The following CCDC6 variants were observed in gnomAD, a reference collection of about 807,000 sequenced individuals.
CCDC6 encodes coiled-coil domain containing 6.
In CCDC6, 20 loss-of-function variants were observed where a neutral mutation model predicts 56.6. That is an observed-to-expected ratio of 0.35 (90% CI 0.25 to 0.51). The LOEUF (loss-of-function observed/expected upper bound fraction) is 0.51, where lower values mean the gene tolerates loss of function less well. Among genes scored for constraint, CCDC6 ranks in the 20% least tolerant of loss-of-function variants. The probability of loss-of-function intolerance (pLI) is 0.95; values close to 1 mark genes in which losing one functional copy is unlikely to be tolerated. For missense variants in CCDC6, 367 were observed against 601.1 expected (o/e 0.61, Z 4.07); for synonymous variants, 241 against 234.4 (o/e 1.03, Z -0.26).
chr10:59,854,360 A>G (rs1307877426), intron 1 of CCDC6, among the ~76,000 whole-genome samples: 1 of 152,162 alleles, frequency 6.6e-6, no homozygotes. Flanking sequence ...TTGCTGAGCA[A>G]TTCTACAAAG....
chr10:59,906,487 C>T lies in CCDC6; in HGVS notation c.-63G>A. ...GGAGGCGGCGGCGACGAAGGCCGGG[C>T]TGCGAATGAGTGGGCGCCGGGCGAG... is the stretch of plus-strand genomic sequence containing the variant. On this transcript the variant is annotated 5_prime_UTR_variant, in exon 1 of 9. Coordinates refer to ENST00000263102, the MANE Select transcript of CCDC6 (RefSeq NM_005436.5). 2 of 1,373,260 alleles carry T rather than the reference C, an allele frequency of 1.5e-6. No homozygotes were observed. The highest frequency in any genetic ancestry group is 1.9e-6 in the Non-Finnish European group (2 of 1,057,068). 85.1% of individuals were successfully genotyped at this position (1,373,260 alleles called of 1,614,324 possible).
intron 1 of CCDC6, among the ~76,000 whole-genome samples, chr10:59,879,891 C>T (rs1276085220): frequency 6.6e-6 from 1 of 152,252 alleles, no homozygotes; most frequent in Middle Eastern, 3.4e-3. Flanking sequence ...GCCTAGAGGT[C>T]TTTGAGGGCA....
At chr10:59,806,780 A>G in intron 6 of CCDC6, 142 bp downstream of exon 6, 1 of 606,002 alleles carries the variant, frequency 1.7e-6, no homozygotes, top group South Asian at 3.7e-5. Context: ...GGCATCTACT[A>G]TAACGCAGTG....
chr10:59,862,518 C>T (rs950658962), intron 1 of CCDC6, among the ~76,000 whole-genome samples: 19,580 of 66,194 alleles, frequency 0.3, 2,411 homozygotes, highest in African/African-American at 0.42. Flanking sequence ...TATATATATA[C>T]ACACACACAC....
chr10:59,899,691 C>G (rs1256037546), intron 1 of CCDC6, among the ~76,000 whole-genome samples: 1 of 152,204 alleles, frequency 6.6e-6, no homozygotes, highest in Non-Finnish European at 1.5e-5. Flanking sequence ...GCCACCATCA[C>G]CAAAACCAAG....
At chr10:59,823,826 T>G (rs1472141496) in intron 3 of CCDC6, among the ~76,000 whole-genome samples, 1 of 152,240 alleles carries the variant, frequency 6.6e-6, no homozygotes, top group Non-Finnish European at 1.5e-5. Flanking sequence ...AGCAAATTCT[T>G]GTTTTGATCA....
At chr10:59,851,565 T>C (rs1374833605) in intron 2 of CCDC6, among the ~76,000 whole-genome samples, 1 of 152,192 alleles carries the variant, frequency 6.6e-6, no homozygotes, top group Non-Finnish European at 1.5e-5. Flanking sequence ...TTAAAGTTGC[T>C]ACATCAGAGT....
intron 1 of CCDC6, among the ~76,000 whole-genome samples, chr10:59,868,988 T>C (rs2071202015): frequency 1.3e-5 from 2 of 152,020 alleles, no homozygotes; most frequent in Non-Finnish European, 1.5e-5. Flanking sequence ...TGAGTATTAC[T>C]AGATACTGAG....
chr10:59,875,686 T>C (rs1684903), intron 1 of CCDC6, among the ~76,000 whole-genome samples: 115,660 of 152,110 alleles, frequency 0.76, 44,229 homozygotes, highest in East Asian at 0.9. Flanking sequence ...TCTGCGCCGA[T>C]GCTATTCTTC....
At chr10:59,836,118 C>G (rs993169706) in intron 2 of CCDC6, among the ~76,000 whole-genome samples, 1 of 144,316 alleles carries the variant, frequency 6.9e-6, no homozygotes, top group African/African-American at 2.6e-5. Flanking sequence ...CCCCTAAAAT[C>G]ATGAGACAAG....
At chr10:59,891,407 A>C (rs1371607546) in intron 1 of CCDC6, among the ~76,000 whole-genome samples, 1 of 152,194 alleles carries the variant, frequency 6.6e-6, no homozygotes, top group East Asian at 1.9e-4. Context: ...AAAGCAATAG[A>C]AGCTATAGAA....
intron 3 of CCDC6, among the ~76,000 whole-genome samples, chr10:59,818,267 A>G (rs1473579019): frequency 6.6e-6 from 1 of 152,072 alleles, no homozygotes; most frequent in East Asian, 1.9e-4. Context: ...GCTCTACGTG[A>G]ATCTCGGCTC....
chr10:59,847,209 C>G (rs10994051), intron 2 of CCDC6, among the ~76,000 whole-genome samples: 1 of 151,832 alleles, frequency 6.6e-6, no homozygotes, highest in Non-Finnish European at 1.5e-5. Flanking sequence ...CCTGCCACCA[C>G]GCCGGGCTGA....
intron 1 of CCDC6, among the ~76,000 whole-genome samples, chr10:59,877,075 AAATAT>A (rs1305159762): frequency 6.6e-6 from 1 of 152,206 alleles, no homozygotes; most frequent in African/African-American, 2.4e-5. Context: ...GGTACAGTAA[AAATAT>A]AATATTTTAA....
chr10:59,820,225 G>C (rs1011003597), intron 3 of CCDC6, among the ~76,000 whole-genome samples: 1 of 152,128 alleles, frequency 6.6e-6, no homozygotes, highest in African/African-American at 2.4e-5. Flanking sequence ...ATTTAAAGAG[G>C]ACTACGATGC....
At chr10:59,795,082 CAAA>C (rs80016412) in intron 7 of CCDC6, among the ~76,000 whole-genome samples, 1 of 143,660 alleles carries the variant, frequency 7.0e-6, no homozygotes. Context: ...ACATAGGCAA[CAAA>C]AAAAAAAAGC....
At chr10:59,844,068 T>C (rs1162577875) in intron 2 of CCDC6, among the ~76,000 whole-genome samples, 1 of 152,204 alleles carries the variant, frequency 6.6e-6, no homozygotes, top group Non-Finnish European at 1.5e-5. Context: ...TTCACCATCA[T>C]GTTAATTATT....
In CCDC6 at chr10:59,851,119, A is replaced by G. The variant is rs146957909; in HGVS notation, c.453+1434T>C. On this transcript the variant is annotated intron_variant, in intron 2 of 8. Transcript: ENST00000263102. ...CTTTGGTTAAAGACTCCAAAAAACA[A>G]CCATGTAAATTGAAAAAAAAAAAAA... Among the ~76,000 whole-genome samples, 209 of 144,624 alleles carry G rather than the reference A, an allele frequency of 1.4e-3. 6 individuals are homozygous for G. The East Asian group carries it at 0.039, about 27-fold the overall frequency. 94.9% of individuals were successfully genotyped at this position (144,624 alleles called of 152,430 possible). A position where few individuals can be genotyped will look rare whatever the true frequency, so the allele number is the denominator to read the frequency against.
Position 59,790,289 on chromosome 10 carries a change from G to A in CCDC6, c.*2628C>T. 1 of 220,402 alleles carries A rather than the reference G, an allele frequency of 4.5e-6. No homozygotes were observed. The highest frequency in any genetic ancestry group is 1.4e-3 in the Middle Eastern group (1 of 714). The allele number at this position is 220,402 out of a possible 1,614,324, so 13.7% of individuals were successfully genotyped here. On this transcript the variant is annotated 3_prime_UTR_variant, in exon 9 of 9. Coordinates refer to ENST00000263102, the MANE Select transcript of CCDC6 (RefSeq NM_005436.5). ...ACTGAAGCCCCTGTTGCTCCCACCTGCCTGCAGGACGGCTACTGATTTTAC... is the reference window on the plus strand; with the variant it reads ...ACTGAAGCCCCTGTTGCTCCCACCTACCTGCAGGACGGCTACTGATTTTAC...
Sources: allele counts gnomAD v4.1 joint callset (sites outside exome capture counted in the v4.1 genomes callset), GRCh38; gene constraint gnomAD v4.1.1; transcripts MANE v1.5; gene names NCBI Gene and HGNC (gene_info 2026-07-23, HGNC 2026-07-21).